The following LHFPL3 variants were observed in gnomAD, a reference collection of about 807,000 sequenced individuals.
LHFPL3 encodes the protein LHFPL tetraspan subfamily member 3.
In LHFPL3, 5 loss-of-function variants were observed where a neutral mutation model predicts 19.3. The ratio of observed to expected loss-of-function variants is 0.26; its 90% CI spans 0.14 to 0.54. LHFPL3 has a LOEUF of 0.54. Among genes scored for constraint, LHFPL3 ranks in the 20% least tolerant of loss-of-function variants. The pLI is 0.94. For missense variants in LHFPL3, 249 were observed against 307.4 expected (o/e 0.81, Z 1.42); for synonymous variants, 133 against 126.2 (o/e 1.05, Z -0.36).
intron 2 of LHFPL3, among the ~76,000 whole-genome samples, chr7:104,747,953 A>G (rs1260889954): frequency 6.6e-6 from 1 of 152,122 alleles, no homozygotes; most frequent in Non-Finnish European, 1.5e-5. Context: ...TCAGATTGTT[A>G]CTGTGTCTGT....
chr7:104,501,403 A>G (rs1465042186), intron 1 of LHFPL3, among the ~76,000 whole-genome samples: 1 of 152,238 alleles, frequency 6.6e-6, no homozygotes, highest in Non-Finnish European at 1.5e-5. Context: ...ACAGTTGCTA[A>G]TATGATTTAA....
At chr7:104,578,686 T>C (rs953277029) in intron 1 of LHFPL3, among the ~76,000 whole-genome samples, 11 of 152,154 alleles carry the variant, frequency 7.2e-5, no homozygotes, top group African/African-American at 2.7e-4. Flanking sequence ...CCGTGATAGA[T>C]TGTGCTTGAC....
At chr7:104,430,439 T>TAC (rs1791970362) in intron 1 of LHFPL3, among the ~76,000 whole-genome samples, 4 of 17,758 alleles carry the variant, frequency 2.3e-4, no homozygotes, top group Admixed American at 6.6e-4. Flanking sequence ...TATATATATA[T>TAC]ATATATATAT....
chr7:104,881,120 G>T lies in LHFPL3; in HGVS notation c.683-25067G>T, dbSNP rs563384212. On this transcript the variant is annotated intron_variant, in intron 2 of 2. Transcript: ENST00000424859. ...GGGAGGCGGAGCTTGCAGTGAGCCG[G>T]GATAGCACCACTGCACTCCAGCCTG... is the stretch of plus-strand genomic sequence containing the variant. Among the ~76,000 whole-genome samples the T allele has an allele frequency of 2.0e-5, 3 of 150,464 alleles. No homozygotes were observed. In the South Asian group the frequency reaches 6.3e-4, roughly 32 times the overall value.
Position 104,575,320 on chromosome 7 carries a change from G to A in LHFPL3, c.446-161355G>A, listed in dbSNP as rs143079859. ...CTTGCTTCTAAGAATTCTGTTCAAGGGTTTTCATTAAGTGTCTGATATGCC... is the reference window on the plus strand; with the variant it reads ...CTTGCTTCTAAGAATTCTGTTCAAGAGTTTTCATTAAGTGTCTGATATGCC... On this transcript the variant is annotated intron_variant, in intron 1 of 2. Transcript: ENST00000424859. 2.0e-4 allele frequency among the ~76,000 whole-genome samples: 30 copies of A among 151,880 alleles called. No individual in the cohort carries two copies. The East Asian group carries it at 5.6e-3, about 28-fold the overall frequency.
At chr7:104,412,058 A>G (rs1285130036) in intron 1 of LHFPL3, among the ~76,000 whole-genome samples, 2 of 152,162 alleles carry the variant, frequency 1.3e-5, no homozygotes, top group African/African-American at 4.8e-5. Context: ...TTCTCATTTT[A>G]CTGTTTCTCT....
At chr7:104,332,522 C>A (rs1302467104) in intron 1 of LHFPL3, among the ~76,000 whole-genome samples, 1 of 152,116 alleles carries the variant, frequency 6.6e-6, no homozygotes, top group East Asian at 1.9e-4. Flanking sequence ...TGAGCCACTG[C>A]ACCCAGCCAA....
chr7:104,558,559 A>C (rs1228844074), intron 1 of LHFPL3, among the ~76,000 whole-genome samples: 2 of 151,090 alleles, frequency 1.3e-5, no homozygotes, highest in African/African-American at 4.9e-5. Flanking sequence ...GTTTGAGTTC[A>C]TTGTAGATTC....
intron 1 of LHFPL3, among the ~76,000 whole-genome samples, chr7:104,331,046 T>C (rs1424410150): frequency 6.6e-6 from 1 of 152,228 alleles, no homozygotes; most frequent in East Asian, 1.9e-4. Context: ...AATGTTTGAT[T>C]TTTATGAGGT....
intron 1 of LHFPL3, among the ~76,000 whole-genome samples, chr7:104,444,724 T>A (rs1424615761): frequency 2.0e-5 from 3 of 152,104 alleles, no homozygotes; most frequent in African/African-American, 7.2e-5. Context: ...CATGGTGGCT[T>A]AGACCTATAA....
At chr7:104,903,569 G>A (rs13225632) in intron 2 of LHFPL3, among the ~76,000 whole-genome samples, 23,575 of 151,128 alleles carry the variant, frequency 0.16, 4,122 homozygotes, top group East Asian at 0.48. Context: ...GGTTCAAGTG[G>A]TTCTCCTGCC....
intron 1 of LHFPL3, among the ~76,000 whole-genome samples, chr7:104,439,684 T>C (rs558193660): frequency 1.3e-5 from 2 of 152,142 alleles, no homozygotes; most frequent in South Asian, 2.1e-4. Flanking sequence ...AGGAAAAAAG[T>C]GAACTTACTC....
At chr7:104,814,034 A>G (rs1790521997) in intron 2 of LHFPL3, among the ~76,000 whole-genome samples, 1 of 152,230 alleles carries the variant, frequency 6.6e-6, no homozygotes, top group African/African-American at 2.4e-5. Flanking sequence ...TGAGGTATGC[A>G]GACAAGTGGA....
chr7:104,849,929 G>A (rs962047435), intron 2 of LHFPL3, among the ~76,000 whole-genome samples: 1 of 152,126 alleles, frequency 6.6e-6, no homozygotes, highest in Non-Finnish European at 1.5e-5. Context: ...TGTTATGGCT[G>A]GCTTTGGAAA....
At chr7:104,655,723 G>A (rs1179605410) in intron 1 of LHFPL3, among the ~76,000 whole-genome samples, 1 of 152,196 alleles carries the variant, frequency 6.6e-6, no homozygotes, top group East Asian at 1.9e-4. Context: ...TGCATTATAT[G>A]TCTCCTACCT....
At chr7:104,508,807 AAG>A (rs58994077) in intron 1 of LHFPL3, among the ~76,000 whole-genome samples, 8,888 of 150,810 alleles carry the variant, frequency 0.059, 841 homozygotes, top group African/African-American at 0.2. Context: ...AGAAGAAAAA[AAG>A]AGAAAACCAA....
chr7:104,647,192 T>G (rs574365184), intron 1 of LHFPL3, among the ~76,000 whole-genome samples: 1 of 152,296 alleles, frequency 6.6e-6, no homozygotes, highest in African/African-American at 2.4e-5. Context: ...TTGACCTAAG[T>G]TTTTCAAGAA....
intron 2 of LHFPL3, among the ~76,000 whole-genome samples, chr7:104,876,967 T>A (rs1791957127): frequency 6.6e-6 from 1 of 152,170 alleles, no homozygotes; most frequent in African/African-American, 2.4e-5. Context: ...TGAGTTCATG[T>A]CCTTTGTAGG....
chr7:104,748,957 T>C (rs908392146), intron 2 of LHFPL3, among the ~76,000 whole-genome samples: 24 of 152,366 alleles, frequency 1.6e-4, no homozygotes, highest in Non-Finnish European at 3.4e-4. Flanking sequence ...TTTCTTCCAC[T>C]AATTTAATTT....
Sources: allele counts gnomAD v4.1 joint callset (sites outside exome capture counted in the v4.1 genomes callset), GRCh38; gene constraint gnomAD v4.1.1; transcripts MANE v1.5; gene names NCBI Gene and HGNC (gene_info 2026-07-23, HGNC 2026-07-21).